DCDC2: variants seen among roughly 807,000 people sequenced by gnomAD.
The protein encoded by DCDC2 is doublecortin domain containing 2.
DCDC2 carries 40 observed loss-of-function variants against 50.2 expected under a neutral mutation model. That is an observed-to-expected ratio of 0.80 (90% CI 0.62 to 1.04). The LOEUF is 1.04. Ranked by LOEUF, DCDC2 falls within the 50% of genes least tolerant of loss-of-function variation. DCDC2 has a pLI of 0.00. For synonymous variants in DCDC2, 234 were observed against 210.6 expected (o/e 1.11, Z -0.96); for missense variants, 570 against 581.9 (o/e 0.98, Z 0.21).
rs986072809 is a variant in DCDC2, at chr6:24,237,069, A to G, written c.923-31967T>C. On this transcript the variant is annotated intron_variant, in intron 7 of 9. Transcript: ENST00000378454. ...ATAGACACTCACCAAAACAAACTATATAAGCAGCCAATATGCATATGAAAA... is the reference window on the plus strand; with the variant it reads ...ATAGACACTCACCAAAACAAACTATGTAAGCAGCCAATATGCATATGAAAA... Among the ~76,000 whole-genome samples, 4 of 152,142 alleles carry G rather than the reference A, an allele frequency of 2.6e-5. No individual in the cohort carries two copies. In the East Asian group the frequency reaches 5.8e-4, roughly 22 times the overall value.
rs886258367 is a variant in DCDC2 at position 24,300,827 on chromosome 6, C to T, written c.557+888G>A. ...CATCTGACGGAAAATAAATGTCAGC[C>T]TCCATCAAGGGATAATTTCATAGGC... is the stretch of plus-strand genomic sequence containing the variant. On this transcript the variant is annotated intron_variant, in intron 4 of 9. Transcript: ENST00000378454. Among the ~76,000 whole-genome samples, 3 of 152,074 alleles carry T rather than the reference C, an allele frequency of 2.0e-5. No homozygotes were observed. In the South Asian group the frequency reaches 6.2e-4, roughly 32 times the overall value.
At chr6:24,289,249 C>G (rs996892587) in intron 5 of DCDC2, among the ~76,000 whole-genome samples, 3 of 152,184 alleles carry the variant, frequency 2.0e-5, no homozygotes, top group Non-Finnish European at 4.4e-5. Flanking sequence ...AATGATTTTT[C>G]CAGACTGAGT....
At chr6:24,215,012 G>A (rs939973318) in intron 7 of DCDC2, among the ~76,000 whole-genome samples, 3 of 152,120 alleles carry the variant, frequency 2.0e-5, no homozygotes, top group South Asian at 4.1e-4. Flanking sequence ...CTCAGGATAC[G>A]TATTATCTAC....
intron 7 of DCDC2, among the ~76,000 whole-genome samples, chr6:24,245,596 G>T (rs1039937538): frequency 4.6e-5 from 7 of 152,216 alleles, no homozygotes; most frequent in African/African-American, 1.4e-4. Flanking sequence ...AAAATACTCT[G>T]AAGGGATGTT....
chr6:24,298,520 C>G (rs536097071), intron 4 of DCDC2, among the ~76,000 whole-genome samples: 11 of 152,134 alleles, frequency 7.2e-5, no homozygotes, highest in Admixed American at 3.3e-4. Context: ...TCTCCATAAC[C>G]CTGGGCAAAT....
intron 8 of DCDC2, among the ~76,000 whole-genome samples, chr6:24,179,740 G>T (rs1761017624): frequency 6.7e-6 from 1 of 149,468 alleles, no homozygotes; most frequent in Admixed American, 6.7e-5. Flanking sequence ...AGATCACGAG[G>T]TCAGGAGATT....
chr6:24,217,581 AT>A (rs1156735741), intron 7 of DCDC2, among the ~76,000 whole-genome samples: 1 of 152,262 alleles, frequency 6.6e-6, no homozygotes, highest in Non-Finnish European at 1.5e-5. Context: ...AAGGGATTGG[AT>A]TTTTTTCACC....
the DCDC2 span, among the ~76,000 whole-genome samples, chr6:24,376,737 C>CAAAAAAAA: frequency 4.3e-5 from 2 of 46,748 alleles, no homozygotes; most frequent in African/African-American, 2.0e-4. Flanking sequence ...CAGGTATATG[C>CAAAAAAAA]AAAAAAAAAA....
chr6:24,278,847 C>T (rs1352861866), intron 6 of DCDC2, among the ~76,000 whole-genome samples: 2 of 152,184 alleles, frequency 1.3e-5, no homozygotes, highest in African/African-American at 4.8e-5. Context: ...CCAATATTAA[C>T]GAGTCTGTTG....
intron 8 of DCDC2, among the ~76,000 whole-genome samples, chr6:24,197,075 T>C (rs576978832): frequency 6.6e-6 from 1 of 152,278 alleles, no homozygotes; most frequent in South Asian, 2.1e-4. Context: ...GAAAGTACCT[T>C]TGGTTACCTG....
chr6:24,361,961 T>C (rs1427461113), upstream of DCDC2, among the ~76,000 whole-genome samples: 2 of 152,142 alleles, frequency 1.3e-5, no homozygotes, highest in African/African-American at 4.8e-5. Context: ...CCTTAATTCA[T>C]AGCATTTGCC....
At chr6:24,200,682 C>T (rs1280671810) in intron 8 of DCDC2, among the ~76,000 whole-genome samples, 2 of 152,050 alleles carry the variant, frequency 1.3e-5, no homozygotes, top group African/African-American at 4.8e-5. Context: ...GCTAAACGCC[C>T]CAATTAAAAG....
chr6:24,272,474 C>T (rs1763258423), intron 7 of DCDC2, among the ~76,000 whole-genome samples: 1 of 152,094 alleles, frequency 6.6e-6, no homozygotes, highest in Non-Finnish European at 1.5e-5. Context: ...ATTTCCCTGT[C>T]ATTGATTCCA....
At chr6:24,229,488 A>G (rs1762294936) in intron 7 of DCDC2, among the ~76,000 whole-genome samples, 1 of 152,202 alleles carries the variant, frequency 6.6e-6, no homozygotes, top group Non-Finnish European at 1.5e-5. Context: ...CTTGCCGTGT[A>G]ACATTTATCC....
chr6:24,239,940 C>A (rs1762530892), intron 7 of DCDC2, among the ~76,000 whole-genome samples: 1 of 152,112 alleles, frequency 6.6e-6, no homozygotes, highest in Non-Finnish European at 1.5e-5. Flanking sequence ...ATAATAATAT[C>A]ATTCTGTAAA....
intron 8 of DCDC2, among the ~76,000 whole-genome samples, chr6:24,194,940 T>G (rs984435108): frequency 1.6e-4 from 24 of 152,132 alleles, no homozygotes; most frequent in Non-Finnish European, 2.2e-4. Flanking sequence ...TACTACCAGG[T>G]CCATCATCAT....
At chr6:24,319,901 A>G (rs1010576550) in intron 2 of DCDC2, among the ~76,000 whole-genome samples, 1 of 152,176 alleles carries the variant, frequency 6.6e-6, no homozygotes, top group African/African-American at 2.4e-5. Flanking sequence ...GGACCATGGC[A>G]AATAATTAAA....
At chr6:24,185,510 AG>A (rs1761170845) in intron 8 of DCDC2, among the ~76,000 whole-genome samples, 1 of 151,986 alleles carries the variant, frequency 6.6e-6, no homozygotes, top group South Asian at 2.1e-4. Context: ...ACTACAATTC[AG>A]GGCAAAAAAA....
the DCDC2 span, among the ~76,000 whole-genome samples, chr6:24,370,818 A>G: frequency 6.6e-6 from 1 of 152,252 alleles, no homozygotes; most frequent in Non-Finnish European, 1.5e-5. Context: ...AGCATTATTC[A>G]TAATAGCCAA....
Sources: gnomAD v4.1 joint callset for allele counts (sites outside exome capture counted in the v4.1 genomes callset) on GRCh38, gnomAD v4.1.1 for gene constraint, MANE v1.5 for transcripts, NCBI Gene and HGNC (gene_info 2026-07-23, HGNC 2026-07-21) for gene names.